Variants in RIMS2 observed in about 807,000 individuals in gnomAD.
RIMS2 encodes the protein regulating synaptic membrane exocytosis 2, also known as regulating synaptic membrane exocytosis protein 2.
RIMS2 carries 59 observed loss-of-function variants against 174.4 expected under a neutral mutation model. That is an observed-to-expected ratio of 0.34 (90% CI 0.27 to 0.42). RIMS2 has a LOEUF of 0.42. RIMS2 is among the 10% of genes least tolerant of loss of function. RIMS2 has a pLI of 1.00. For synonymous variants in RIMS2, 606 were observed against 572.5 expected, an observed-to-expected ratio of 1.06 and a Z score of -0.84; for missense variants, 1,620 against 1,666.3, an observed-to-expected ratio of 0.97 and a Z score of 0.48.
intron 2 of RIMS2, among the ~76,000 whole-genome samples, chr8:103,737,643 T>C (rs1405036774): frequency 6.6e-6 from 1 of 152,180 alleles, no homozygotes; most frequent in Non-Finnish European, 1.5e-5. Flanking sequence ...GAAGGCAAAA[T>C]GCAATCTGGC....
intron 1 of RIMS2, among the ~76,000 whole-genome samples, chr8:103,578,402 G>A (rs753688237): frequency 2.0e-5 from 3 of 152,174 alleles, no homozygotes; most frequent in Non-Finnish European, 4.4e-5. Flanking sequence ...GAAATGATGT[G>A]CACCTGTAAT....
At chr8:104,002,659 T>C (rs1009674934) in intron 17 of RIMS2, among the ~76,000 whole-genome samples, 4 of 152,166 alleles carry the variant, frequency 2.6e-5, no homozygotes, top group Non-Finnish European at 4.4e-5. Flanking sequence ...ATAGTTTGGC[T>C]ATATGATATC....
chr8:103,928,906 T>C (rs1011610196), intron 11 of RIMS2, among the ~76,000 whole-genome samples: 5 of 151,580 alleles, frequency 3.3e-5, no homozygotes, highest in African/African-American at 1.2e-4. Context: ...TAAACACTTA[T>C]TTAAAAAGCA....
At position 103,858,668 on chromosome 8, in the gene RIMS2, T is replaced by G. The variant is rs143237988; in HGVS notation, c.699-26630T>G. On this transcript the variant is annotated intron_variant, in intron 3 of 23. Transcript: ENST00000504942. ...TAGTATAGGAAACCTTAACCATATA[T>G]ATATATACGTGTGTGTGTATATATA... Among the ~76,000 whole-genome samples the G allele has an allele frequency of 2.0e-5, 3 of 150,116 alleles. No homozygotes were observed. The East Asian group carries it at 5.9e-4, about 29-fold the overall frequency.
At chr8:103,715,657 C>T (rs1019483273) in intron 2 of RIMS2, among the ~76,000 whole-genome samples, 1 of 151,962 alleles carries the variant, frequency 6.6e-6, no homozygotes, top group African/African-American at 2.4e-5. Context: ...ACCTTTTGAC[C>T]AAAATATGTA....
chr8:103,906,545 A>G (rs967542242), intron 4 of RIMS2, among the ~76,000 whole-genome samples: 5 of 152,170 alleles, frequency 3.3e-5, no homozygotes, highest in African/African-American at 9.6e-5. Flanking sequence ...TGCACCCAGC[A>G]TATATGACAG....
intron 3 of RIMS2, among the ~76,000 whole-genome samples, chr8:103,794,905 G>A (rs2098537374): frequency 6.6e-6 from 1 of 152,218 alleles, no homozygotes; most frequent in Non-Finnish European, 1.5e-5. Flanking sequence ...ACACCAGTTA[G>A]AATGGCGATC....
chr8:103,959,428 A>T (rs966257125), intron 14 of RIMS2, among the ~76,000 whole-genome samples: 3 of 147,090 alleles, frequency 2.0e-5, no homozygotes, highest in Admixed American at 1.4e-4. Flanking sequence ...TAAAAAAGTA[A>T]TTTTTTTTTT....
At chr8:103,938,815 C>A (rs561797957) in intron 13 of RIMS2, among the ~76,000 whole-genome samples, 52 of 152,220 alleles carry the variant, frequency 3.4e-4, no homozygotes, top group Non-Finnish European at 6.6e-4. Context: ...GGAGAAATTG[C>A]CCAAAACAAA....
intron 4 of RIMS2, among the ~76,000 whole-genome samples, chr8:103,893,003 A>G (rs1219366284): frequency 1.3e-5 from 2 of 151,996 alleles, no homozygotes; most frequent in Admixed American, 6.6e-5. Flanking sequence ...TAAAAGAGCA[A>G]ATGTCCTAAT....
intron 2 of RIMS2, among the ~76,000 whole-genome samples, chr8:103,761,312 G>A (rs1357407913): frequency 6.6e-6 from 1 of 152,206 alleles, no homozygotes; most frequent in Non-Finnish European, 1.5e-5. Flanking sequence ...CATTGAATAA[G>A]CATGTACTTT....
chr8:103,687,222 T>G (rs1158195694), intron 1 of RIMS2, among the ~76,000 whole-genome samples: 1 of 152,046 alleles, frequency 6.6e-6, no homozygotes, highest in African/African-American at 2.4e-5. Flanking sequence ...TATGGGCATA[T>G]GGTTGCTTAT....
chr8:103,895,173 GT>G lies in RIMS2; in HGVS notation c.1624+8964del, dbSNP rs571241543. On this transcript the variant is annotated intron_variant, in intron 4 of 23. Transcript: ENST00000504942. ...TATTTTCCTGTAATTCTTTGACAAG[GT>G]TTTTTTTTTTTTTCATTTTTGAACA... 2.3e-3 allele frequency among the ~76,000 whole-genome samples: 323 copies of G among 137,924 alleles called. 6 individuals carry two copies. Among genetic ancestry groups the G allele is most frequent in the Middle Eastern group, 7.4e-3 (2 of 272 alleles). 90.5% of individuals were successfully genotyped at this position (137,924 alleles called of 152,430 possible).
intron 19 of RIMS2, among the ~76,000 whole-genome samples, chr8:104,061,984 G>T (rs1020409510): frequency 6.6e-6 from 1 of 151,878 alleles, no homozygotes; most frequent in African/African-American, 2.4e-5. Flanking sequence ...TTCAAATGTG[G>T]TCAAAAATTT....
chr8:104,068,647 A>G, intron 19 of RIMS2, 35 bp downstream of exon 23: 2 of 1,037,878 alleles, frequency 1.9e-6, no homozygotes, highest in Non-Finnish European at 2.9e-6. Flanking sequence ...TTGTAAAATA[A>G]TCAATCATAT....
At position 103,954,195 on chromosome 8, in the gene RIMS2, C is replaced by T. The variant is rs541222031; in HGVS notation, c.2702-6870C>T. On this transcript the variant is annotated intron_variant, in intron 14 of 23. Transcript: ENST00000504942. The stretch of plus-strand genomic sequence containing the variant: ...CCACTGTCAACATTAGACAGATCAA[C>T]GAGACAGAAAATTAACAAGGATATT... Among the ~76,000 whole-genome samples the T allele has an allele frequency of 2.9e-4, 44 of 152,182 alleles. No homozygotes were observed. In the South Asian group the frequency reaches 7.3e-3, roughly 25 times the overall value.
rs915445971 is a variant in RIMS2 at position 103,986,873 on chromosome 8, CA to C, written c.2928-2421del. On this transcript the variant is annotated intron_variant, in intron 16 of 23. Coordinates refer to ENST00000504942, the Ensembl canonical transcript of RIMS2. Reference sequence around the variant, plus strand: ...GGGCAAGAAGAGTGAAACTCCGTCTCAAAAAAAAAAACAGTAAAATAAAATT... The same window carrying C: ...GGGCAAGAAGAGTGAAACTCCGTCTCAAAAAAAAAACAGTAAAATAAAATT... 2.5e-3 allele frequency among the ~76,000 whole-genome samples: 309 copies of C among 121,636 alleles called. 2 individuals carry two copies. The highest frequency in any genetic ancestry group is 8.1e-3 in the African/African-American group (266 of 32,918). The allele number at this position is 121,636 out of a possible 152,430, so 79.8% of individuals were successfully genotyped here.
At chr8:103,711,943 A>G (rs747537854) in intron 2 of RIMS2, among the ~76,000 whole-genome samples, 9 of 151,916 alleles carry the variant, frequency 5.9e-5, no homozygotes, top group Non-Finnish European at 1.3e-4. Context: ...CTTTTACAAT[A>G]CCCAATATAT....
At position 104,103,863 on chromosome 8, in the gene RIMS2, G is replaced by A. The variant is rs150358045; in HGVS notation, c.3334+89248G>A. Reference sequence around the variant, plus strand: ...TGATACGCCATCATATTATTTTCCTGTGTGGTAAACTTGAGTGTACTCATG... The same window carrying A: ...TGATACGCCATCATATTATTTTCCTATGTGGTAAACTTGAGTGTACTCATG... On this transcript the variant is annotated intron_variant, in intron 19 of 23. Transcript: ENST00000504942. 1.3e-3 allele frequency among the ~76,000 whole-genome samples: 196 copies of A among 152,214 alleles called. 5 individuals are homozygous for A. The East Asian group carries it at 0.037, about 28-fold the overall frequency.
Sources: allele counts gnomAD v4.1 joint callset (sites outside exome capture counted in the v4.1 genomes callset), GRCh38; gene constraint gnomAD v4.1.1; transcripts MANE v1.5; gene names NCBI Gene and HGNC (gene_info 2026-07-23, HGNC 2026-07-21).